The following DISP1 variants were observed in gnomAD, a reference collection of about 807,000 sequenced individuals.
DISP1 encodes protein dispatched homolog 1.
In DISP1, 30 loss-of-function variants were observed where a neutral mutation model predicts 37.3. That is an observed-to-expected ratio of 0.80 (90% confidence interval 0.60 to 1.09). The LOEUF (loss-of-function observed/expected upper bound fraction) is 1.09. DISP1 is among the 50% of genes least tolerant of loss of function. The pLI is 0.00. For missense variants in DISP1, 1,598 were observed against 1,879.5 expected, an observed-to-expected ratio of 0.85 and a Z score of 2.77; for synonymous variants, 634 against 690.2, an observed-to-expected ratio of 0.92 and a Z score of 1.28.
intron 1 of DISP1, among the ~76,000 whole-genome samples, chr1:222,818,571 T>A (rs1661837140): frequency 6.6e-6 from 1 of 152,208 alleles, no homozygotes; most frequent in African/African-American, 2.4e-5. Flanking sequence ...CTCATGCAGT[T>A]GTGGGAGTTG....
chr1:222,898,063 G>A (rs1671366108), intron 1 of DISP1, among the ~76,000 whole-genome samples: 1 of 152,110 alleles, frequency 6.6e-6, no homozygotes. Flanking sequence ...CATGTTCGTT[G>A]AGGAAAAACA....
intron 1 of DISP1, among the ~76,000 whole-genome samples, chr1:222,879,187 T>G (rs1168633394): frequency 2.0e-5 from 3 of 152,160 alleles, no homozygotes; most frequent in Non-Finnish European, 4.4e-5. Context: ...AAAAACAAGG[T>G]TATTTAATAT....
chr1:222,950,697 T>C (rs1323979998), intron 3 of DISP1, among the ~76,000 whole-genome samples: 1 of 152,162 alleles, frequency 6.6e-6, no homozygotes, highest in Non-Finnish European at 1.5e-5. Flanking sequence ...AACAGTCCAT[T>C]TGATGATCTG....
intron 1 of DISP1, among the ~76,000 whole-genome samples, chr1:222,855,552 A>G (rs1280889422): frequency 2.0e-5 from 3 of 152,178 alleles, no homozygotes. Context: ...TAGCAGATAC[A>G]GCTATGCCAC....
At chr1:222,870,646 T>C (rs1308763584) in intron 1 of DISP1, among the ~76,000 whole-genome samples, 4 of 152,242 alleles carry the variant, frequency 2.6e-5, no homozygotes, top group African/African-American at 9.7e-5. Context: ...TGTTTGTTTT[T>C]TTCTTGTAAA....
chr1:222,964,019 T>TA (rs1043321505), intron 3 of DISP1, among the ~76,000 whole-genome samples: 36 of 150,928 alleles, frequency 2.4e-4, no homozygotes, highest in African/African-American at 7.8e-4. Context: ...GATCCTTAAT[T>TA]AAAAAAAAAG....
chr1:222,861,444 C>T (rs1235106965), intron 1 of DISP1, among the ~76,000 whole-genome samples: 2 of 152,108 alleles, frequency 1.3e-5, no homozygotes, highest in East Asian at 1.9e-4. Flanking sequence ...AGTATGTGCA[C>T]GATTGAAATT....
At chr1:222,984,415 A>ATATATATATATATATAT in intron 4 of DISP1, among the ~76,000 whole-genome samples, 1 of 58,324 alleles carries the variant, frequency 1.7e-5, no homozygotes, top group African/African-American at 5.5e-5. Context: ...AAAAAAAAAA[A>ATATATATATATATATAT]AAAAAAATAT....
intron 3 of DISP1, among the ~76,000 whole-genome samples, chr1:222,946,558 A>G (rs1048751243): frequency 2.0e-5 from 3 of 152,146 alleles, no homozygotes; most frequent in African/African-American, 7.2e-5. Flanking sequence ...TATAATCCAC[A>G]ATGTTTACTG....
chr1:222,873,764 C>G (rs944317173), intron 1 of DISP1, among the ~76,000 whole-genome samples: 4 of 152,070 alleles, frequency 2.6e-5, no homozygotes, highest in Non-Finnish European at 5.9e-5. Flanking sequence ...GAGCATTTAG[C>G]CCATTTACTT....
intron 2 of DISP1, among the ~76,000 whole-genome samples, chr1:222,929,070 G>T (rs1673240355): frequency 6.6e-6 from 1 of 151,172 alleles, no homozygotes; most frequent in Non-Finnish European, 1.5e-5. Context: ...AGAGTAGTTT[G>T]GTGAAGATAC....
At chr1:222,944,454 T>TTTAA (rs10642571) in intron 3 of DISP1, among the ~76,000 whole-genome samples, 123,198 of 151,794 alleles carry the variant, frequency 0.81, 50,586 homozygotes, top group East Asian at 0.94. Flanking sequence ...TAATAAAAAG[T>TTTAA]TTAACTAGAA....
intron 4 of DISP1, 29 bp downstream of exon 4, chr1:222,983,138 T>C: frequency 2.6e-6 from 4 of 1,545,224 alleles, no homozygotes; most frequent in Non-Finnish European, 3.6e-6. Context: ...TCTTATTAAA[T>C]AATAAACTTA....
At chr1:222,921,632 A>C (rs1672813754) in intron 1 of DISP1, among the ~76,000 whole-genome samples, 1 of 152,222 alleles carries the variant, frequency 6.6e-6, no homozygotes, top group African/African-American at 2.4e-5. Flanking sequence ...CATATAAATC[A>C]GCAGTAAAAT....
At chr1:222,916,627 A>T (rs1672504740) in intron 1 of DISP1, among the ~76,000 whole-genome samples, 1 of 152,166 alleles carries the variant, frequency 6.6e-6, no homozygotes, top group East Asian at 1.9e-4. Context: ...AATGTATGTC[A>T]TTTATAAATA....
Position 223,004,557 on chromosome 1 carries a change from G to A in DISP1, c.3160G>A (p.Val1054Ile), listed in dbSNP as rs766641928. The part of the protein sequence containing the change: ...VAVGLSVDFA[V>I]HYGVAYRLAP... Reference sequence around the variant, plus strand: ...CGTCGGCTTGTCTGTAGACTTTGCCGTCCATTATGGGGTTGCCTACCGCTT... The same window carrying A: ...CGTCGGCTTGTCTGTAGACTTTGCCATCCATTATGGGGTTGCCTACCGCTT... The change falls in exon 9 of 9, where the codon GTC becomes ATC. Residue 1054 changes from valine (V) to isoleucine (I), a missense_variant. Transcript: ENST00000675850. This position sits in a 1 kb window ranked among gnomAD's most constrained non-coding sequence, Gnocchi z 4.9. 78 of 1,614,020 alleles carry A rather than the reference G, an allele frequency of 4.8e-5. No homozygotes were observed. The East Asian group carries it at 7.8e-4, about 16-fold the overall frequency.
At position 222,869,463 on chromosome 1, in the gene DISP1, T is replaced by A. The variant is rs1184237206; in HGVS notation, c.-159+54385T>A. On this transcript the variant is annotated intron_variant, in intron 1 of 8. Transcript: ENST00000675850. The stretch of plus-strand genomic sequence containing the variant: ...TGTGTGTGTTATAGTCAACTGCTCT[T>A]GTTATAAGTTTCTATTTTTTTCATT... 2.0e-5 allele frequency among the ~76,000 whole-genome samples: 3 copies of A among 152,172 alleles called. No individual in the cohort carries two copies. In the South Asian group the frequency reaches 6.2e-4, roughly 32 times the overall value.
chr1:222,879,425 C>T (rs1670152589), intron 1 of DISP1, among the ~76,000 whole-genome samples: 7 of 151,906 alleles, frequency 4.6e-5, no homozygotes, highest in Admixed American at 4.6e-4. Context: ...GAAATATGTC[C>T]TGTTTGTTTT....
intron 1 of DISP1, among the ~76,000 whole-genome samples, chr1:222,907,961 TA>T (rs1168785478): frequency 6.6e-6 from 1 of 151,980 alleles, no homozygotes; most frequent in Non-Finnish European, 1.5e-5. Flanking sequence ...AATAAATAAA[TA>T]AAATAAAATA....
Sources: gnomAD v4.1 joint callset for allele counts (sites outside exome capture counted in the v4.1 genomes callset) on GRCh38, gnomAD v4.1.1 for gene constraint, Gnocchi (gnomAD v3.1) non-coding constraint, MANE v1.5 for transcripts, NCBI Gene and HGNC (gene_info 2026-07-23, HGNC 2026-07-21) for gene names.